Variants in C11orf87 observed in about 807,000 individuals in gnomAD.
C11orf87 encodes the protein uncharacterized protein C11orf87.
In C11orf87, 3 loss-of-function variants were observed where a neutral mutation model predicts 9.2. The observed-to-expected ratio is 0.33, with a 90% CI of 0.15 to 0.84. The LOEUF is 0.84. C11orf87 is among the 40% of genes least tolerant of loss of function. C11orf87 has a pLI of 0.55. For synonymous variants in C11orf87, 124 were observed against 124.6 expected, an observed-to-expected ratio of 1.00 and a Z score of 0.03; for missense variants, 256 against 270.7, an observed-to-expected ratio of 0.95 and a Z score of 0.38.
chr11:109,425,767 T>A lies in C11orf87; in HGVS notation c.*1540T>A, dbSNP rs1228393481. 6.6e-6 allele frequency: 1 copy of A among 152,474 alleles called. No homozygotes were observed. Among genetic ancestry groups the A allele is most frequent in the East Asian group, 1.9e-4 (1 of 5,202 alleles). 9.4% of individuals were successfully genotyped at this position (152,474 alleles called of 1,614,324 possible). On this transcript the variant is annotated 3_prime_UTR_variant, in exon 2 of 2. Transcript: ENST00000327419. ...GGAGGCAGTGGTGTGTGTGCTTGCTTGTACTGTATGTGGTTGGGGATGAGA... is the reference window on the plus strand; with the variant it reads ...GGAGGCAGTGGTGTGTGTGCTTGCTAGTACTGTATGTGGTTGGGGATGAGA...
In C11orf87 at chr11:109,425,522, C is replaced by T. The variant is rs1860560916; in HGVS notation, c.*1295C>T. 1 of 166,982 alleles carries T rather than the reference C, an allele frequency of 6.0e-6. No individual in the cohort carries two copies. Among genetic ancestry groups the T allele is most frequent in the South Asian group, 2.1e-4 (1 of 4,822 alleles). 10.3% of individuals were successfully genotyped at this position (166,982 alleles called of 1,614,324 possible). On this transcript the variant is annotated 3_prime_UTR_variant, in exon 2 of 2. Coordinates refer to ENST00000327419, the MANE Select transcript of C11orf87 (RefSeq NM_207645.4). ...TGGATGAGAAATTCAGTGGTGCAGA[C>T]CTGGCTTCTGCTGTTTCCAGAAGTG...
In C11orf87 at chr11:109,427,460, TG is replaced by T. The variant is rs1395528498; in HGVS notation, c.*3234del. 1.3e-5 allele frequency: 2 copies of T among 152,172 alleles called. No individual in the cohort carries two copies. The highest frequency in any genetic ancestry group is 2.9e-5 in the Non-Finnish European group (2 of 68,012). 9.4% of individuals were successfully genotyped at this position (152,172 alleles called of 1,614,324 possible). On this transcript the variant is annotated 3_prime_UTR_variant, in exon 2 of 2. Coordinates refer to ENST00000327419, the MANE Select transcript of C11orf87 (RefSeq NM_207645.4). Reference sequence around the variant, plus strand: ...ATATCCAAGCAATTTGTACAGACCTTGTTTAAAGCACTGCTTCTTATAGGGC... The same window carrying T: ...ATATCCAAGCAATTTGTACAGACCTTTTTAAAGCACTGCTTCTTATAGGGC...
chr11:109,423,753 A>G lies in C11orf87; in HGVS notation c.120A>G (p.Ala40=). The G allele has an allele frequency of 6.2e-7, 1 of 1,613,932 alleles. No homozygotes were observed. Among genetic ancestry groups the G allele is most frequent in the East Asian group, 2.2e-5 (1 of 44,864 alleles). ...SGNTGARGPG[A]VGSGTCITQV... ...ACACGGGTGCCCGCGGCCCAGGCGCAGTAGGCAGCGGCACCTGCATCACGC... is the reference window on the plus strand; with the variant it reads ...ACACGGGTGCCCGCGGCCCAGGCGCGGTAGGCAGCGGCACCTGCATCACGC... The change falls in exon 2 of 2, where the codon GCA becomes GCG. Residue 40 remains alanine (A), a synonymous_variant. Transcript: ENST00000327419. The surrounding 1 kb of genome is among the most constrained non-coding windows in gnomAD (Gnocchi z 5.3).
At position 109,423,173 on chromosome 11, in the gene C11orf87, TGTCGA is replaced by T. The variant is rs1860517348; in HGVS notation, c.-259-199_-259-195del. On this transcript the variant is annotated intron_variant, in intron 1 of 1. Transcript: ENST00000327419. The surrounding 1 kb of genome is among the most constrained non-coding windows in gnomAD (Gnocchi z 5.3). ...CGCGGTGCCGGCGCAGACCCCATCC[TGTCGA>T]GTGGCATGAGCAGGCTGCTGGTGGC... is the stretch of plus-strand genomic sequence containing the variant. Among the ~76,000 whole-genome samples the T allele has an allele frequency of 6.6e-6, 1 of 152,186 alleles. No homozygotes were observed. The highest frequency in any genetic ancestry group is 6.5e-5 in the Admixed American group (1 of 15,280).
rs541872843 is a variant in C11orf87 at position 109,424,277 on chromosome 11, C to T, written c.*50C>T. ...TCCTCGTTTCCAGCATCTTTGCCAC[C>T]CTTGCTTTTTTCCTTCTTCCTTCCT... On this transcript the variant is annotated 3_prime_UTR_variant, in exon 2 of 2. Coordinates refer to ENST00000327419, the MANE Select transcript of C11orf87 (RefSeq NM_207645.4). The surrounding 1 kb of genome is among the most constrained non-coding windows in gnomAD (Gnocchi z 4.7). The T allele has an allele frequency of 6.8e-6, 10 of 1,476,490 alleles. No individual in the cohort carries two copies. The Admixed American group carries it at 1.2e-4, about 18-fold the overall frequency. 91.5% of individuals were successfully genotyped at this position (1,476,490 alleles called of 1,614,324 possible).
Position 109,422,841 on chromosome 11 carries a change from T to A in C11orf87, c.-259-534T>A, listed in dbSNP as rs1432366974. Among the ~76,000 whole-genome samples the A allele has an allele frequency of 2.9e-5, 4 of 139,710 alleles. No homozygotes were observed. In the East Asian group the frequency reaches 8.8e-4, roughly 31 times the overall value. The allele number at this position is 139,710 out of a possible 152,430, so 91.7% of individuals were successfully genotyped here. Reference sequence around the variant, plus strand: ...GGTCGCGGACAGAGGCAGAGTGGGATGTGGTGCCAGGGGTATCCCCCTGGG... The same window carrying A: ...GGTCGCGGACAGAGGCAGAGTGGGAAGTGGTGCCAGGGGTATCCCCCTGGG... On this transcript the variant is annotated intron_variant, in intron 1 of 1. Transcript: ENST00000327419.
At position 109,423,927 on chromosome 11, in the gene C11orf87, G is replaced by A; in HGVS notation, c.294G>A (p.Gln98=). The part of the protein sequence containing the change: ...RMKKRKMQRA[Q]EEYERDHCSG... Reference sequence around the variant, plus strand: ...AGAAGCGGAAGATGCAGAGGGCTCAGGAGGAATATGAGCGGGATCACTGCA... The same window carrying A: ...AGAAGCGGAAGATGCAGAGGGCTCAAGAGGAATATGAGCGGGATCACTGCA... The change falls in exon 2 of 2, where the codon CAG becomes CAA. Residue 98 remains glutamine, a synonymous_variant. Transcript: ENST00000327419. This position sits in a 1 kb window ranked among gnomAD's most constrained non-coding sequence, Gnocchi z 5.3. The A allele has an allele frequency of 4.3e-6, 7 of 1,614,140 alleles. No homozygotes were observed. Among genetic ancestry groups the A allele is most frequent in the Non-Finnish European group, 5.9e-6 (7 of 1,179,964 alleles).
At chr11:109,422,455 C>A (rs1014533372) in intron 1 of C11orf87, among the ~76,000 whole-genome samples, 192 bp downstream of exon 1, 2 of 152,240 alleles carry the variant, frequency 1.3e-5, no homozygotes, top group Non-Finnish European at 2.9e-5. Context: ...CAGTTTGCAG[C>A]TGCCTCTTGG....
Position 109,423,605 on chromosome 11 carries a change from T to A in C11orf87, c.-29T>A, listed in dbSNP as rs751276575. 5.8e-6 allele frequency: 9 copies of A among 1,560,168 alleles called. No homozygotes were observed. In the Admixed American group the frequency reaches 1.7e-4, roughly 30 times the overall value. On this transcript the variant is annotated 5_prime_UTR_variant, in exon 2 of 2. Coordinates refer to ENST00000327419, the MANE Select transcript of C11orf87 (RefSeq NM_207645.4). This position sits in a 1 kb window ranked among gnomAD's most constrained non-coding sequence, Gnocchi z 5.3. ...GGTGTGCCCAAGAGGGGAAGCCTAG[T>A]GGGCCTGGCCCCTCCCAGCCCCGCG...
chr11:109,423,239 C>T lies in C11orf87; in HGVS notation c.-259-136C>T, dbSNP rs1352933291. ...GGCCACGGGCCGGCAGGCTGGGGTCCGCTGACCGAAAATACAGGCAGCGCC... is the reference window on the plus strand; with the variant it reads ...GGCCACGGGCCGGCAGGCTGGGGTCTGCTGACCGAAAATACAGGCAGCGCC... On this transcript the variant is annotated intron_variant, in intron 1 of 1. Coordinates refer to ENST00000327419, the MANE Select transcript of C11orf87 (RefSeq NM_207645.4). This position sits in a 1 kb window ranked among gnomAD's most constrained non-coding sequence, Gnocchi z 5.3. The T allele has an allele frequency of 3.9e-6, 1 of 253,250 alleles. No individual in the cohort carries two copies. Among genetic ancestry groups the T allele is most frequent in the African/African-American group, 2.3e-5 (1 of 43,274 alleles). The allele number at this position is 253,250 out of a possible 1,614,324, so 15.7% of individuals were successfully genotyped here.
At position 109,425,124 on chromosome 11, in the gene C11orf87, A is replaced by G. The variant is rs1264025856; in HGVS notation, c.*897A>G. 3 of 164,496 alleles carry G rather than the reference A, an allele frequency of 1.8e-5. No individual in the cohort carries two copies. Among genetic ancestry groups the G allele is most frequent in the Non-Finnish European group, 2.9e-5 (2 of 67,870 alleles). 10.2% of individuals were successfully genotyped at this position (164,496 alleles called of 1,614,324 possible). A position where few individuals can be genotyped will look rare whatever the true frequency, so the allele number is the denominator to read the frequency against. On this transcript the variant is annotated 3_prime_UTR_variant, in exon 2 of 2. Transcript: ENST00000327419. ...CCAGGTCTGGTGCTGAAGTCGCCTC[A>G]CCGTTCTGATTACTTCCTCTAGTTG...
Position 109,423,894 on chromosome 11 carries a change from T to C in C11orf87, c.261T>C (p.Arg87=). The C allele has an allele frequency of 6.2e-7, 1 of 1,613,954 alleles. No homozygotes were observed. Among genetic ancestry groups the C allele is most frequent in the African/African-American group, 1.3e-5 (1 of 74,996 alleles). Reference sequence around the variant, plus strand: ...TCTCCACTTTCCACATCCACAAGCGTAGGATGAAGAAGCGGAAGATGCAGA... The same window carrying C: ...TCTCCACTTTCCACATCCACAAGCGCAGGATGAAGAAGCGGAAGATGCAGA... ...LSLSTFHIHK[R]RMKKRKMQRA... Residue 87 remains arginine, a synonymous_variant, in exon 2 of 2, where the codon CGT becomes CGC. Coordinates refer to ENST00000327419, the MANE Select transcript of C11orf87 (RefSeq NM_207645.4). This position sits in a 1 kb window ranked among gnomAD's most constrained non-coding sequence, Gnocchi z 5.3.
intron 1 of C11orf87, among the ~76,000 whole-genome samples, chr11:109,422,526 C>T (rs1359827191): frequency 3.3e-5 from 5 of 152,258 alleles, no homozygotes; most frequent in African/African-American, 1.2e-4. Flanking sequence ...GCCGGAAAAG[C>T]CTCGGGGCCT....
Position 109,424,105 on chromosome 11 carries a change from T to C in C11orf87, c.472T>C (p.Cys158Arg). The C allele has an allele frequency of 6.2e-7, 1 of 1,613,860 alleles. No homozygotes were observed. Among genetic ancestry groups the C allele is most frequent in the Non-Finnish European group, 8.5e-7 (1 of 1,179,978 alleles). ...GTCCTCTTCGTCCCCTGGCCTCCCG[T>C]GCCAGGGTCCCTGTGCTCCTCCGCC... ...SLSSSSPGLP[C>R]QGPCAPPPPP... Residue 158 changes from cysteine (C) to arginine (R), a missense_variant, in exon 2 of 2, where the codon TGC (cysteine) becomes CGC (arginine). Cys to Arg is a radical substitution (Grantham distance 180, BLOSUM62 -3). Coordinates refer to ENST00000327419, the MANE Select transcript of C11orf87 (RefSeq NM_207645.4). This position sits in a 1 kb window ranked among gnomAD's most constrained non-coding sequence, Gnocchi z 4.7.
In C11orf87 at chr11:109,424,044, C is replaced by G. The variant is rs568040770; in HGVS notation, c.411C>G (p.Asp137Glu). 1.2e-6 allele frequency: 2 copies of G among 1,614,004 alleles called. No homozygotes were observed. The highest frequency in any genetic ancestry group is 1.7e-6 in the Non-Finnish European group (2 of 1,180,020). ...KETRLERQPR[D>E]SPFCAPSNAS... ...CCCGGCTGGAGAGGCAGCCCCGGGA[C>G]TCTCCCTTCTGCGCCCCTTCCAACG... The change falls in exon 2 of 2, where the codon GAC becomes GAG. Residue 137 changes from aspartate to glutamate, a missense_variant. Transcript: ENST00000327419. The surrounding 1 kb of genome is among the most constrained non-coding windows in gnomAD (Gnocchi z 4.7).
chr11:109,424,067 A>C lies in C11orf87; in HGVS notation c.434A>C (p.Asn145Thr). 1 of 1,613,648 alleles carries C rather than the reference A, an allele frequency of 6.2e-7. No homozygotes were observed. Among genetic ancestry groups the C allele is most frequent in the African/African-American group, 1.3e-5 (1 of 74,944 alleles). ...GACTCTCCCTTCTGCGCCCCTTCCAACGCCTCGTCGTTGTCCTCTTCGTCC... is the reference window on the plus strand; with the variant it reads ...GACTCTCCCTTCTGCGCCCCTTCCACCGCCTCGTCGTTGTCCTCTTCGTCC... ...PRDSPFCAPS[N>T]ASSLSSSSPG... The change falls in exon 2 of 2, where the codon AAC becomes ACC. Residue 145 changes from asparagine to threonine, a missense_variant. Coordinates refer to ENST00000327419, the MANE Select transcript of C11orf87 (RefSeq NM_207645.4). This position sits in a 1 kb window ranked among gnomAD's most constrained non-coding sequence, Gnocchi z 4.7.
rs1177816936 is a variant in C11orf87 at position 109,423,966 on chromosome 11, T to C, written c.333T>C (p.Gly111=). Residue 111 remains glycine (G), a synonymous_variant, in exon 2 of 2, where the codon GGT becomes GGC. Coordinates refer to ENST00000327419, the MANE Select transcript of C11orf87 (RefSeq NM_207645.4). The surrounding 1 kb of genome is among the most constrained non-coding windows in gnomAD (Gnocchi z 5.3). Reference sequence around the variant, plus strand: ...GGGATCACTGCAGCGGCAGCCGCGGTGGCGGGGGGCTGCCCCGACCTGGCA... The same window carrying C: ...GGGATCACTGCAGCGGCAGCCGCGGCGGCGGGGGGCTGCCCCGACCTGGCA... ...YERDHCSGSR[G]GGGLPRPGRQ... The C allele has an allele frequency of 6.2e-7, 1 of 1,613,742 alleles. No homozygotes were observed. The highest frequency in any genetic ancestry group is 8.5e-7 in the Non-Finnish European group (1 of 1,179,828).
Position 109,423,595 on chromosome 11 carries a change from G to T in C11orf87, c.-39G>T, listed in dbSNP as rs1175845662. 1 of 1,540,554 alleles carries T rather than the reference G, an allele frequency of 6.5e-7. No individual in the cohort carries two copies. The highest frequency in any genetic ancestry group is 8.7e-7 in the Non-Finnish European group (1 of 1,151,768). ...TGGTAGGAACGGTGTGCCCAAGAGG[G>T]GAAGCCTAGTGGGCCTGGCCCCTCC... On this transcript the variant is annotated 5_prime_UTR_variant, in exon 2 of 2. Transcript: ENST00000327419. This position sits in a 1 kb window ranked among gnomAD's most constrained non-coding sequence, Gnocchi z 5.3.
Position 109,423,769 on chromosome 11 carries a change from T to G in C11orf87, c.136T>G (p.Cys46Gly), listed in dbSNP as rs1485699060. The G allele has an allele frequency of 1.9e-6, 3 of 1,614,074 alleles. No individual in the cohort carries two copies. Among genetic ancestry groups the G allele is most frequent in the East Asian group, 2.2e-5 (1 of 44,864 alleles). Residue 46 changes from cysteine (C) to glycine (G), a missense_variant, in exon 2 of 2, where the codon TGC (cysteine) becomes GGC (glycine). Physicochemically the swap from Cys to Gly is radical, Grantham distance 159. Transcript: ENST00000327419. The surrounding 1 kb of genome is among the most constrained non-coding windows in gnomAD (Gnocchi z 5.3). ...RGPGAVGSGTCITQVGQQLFQ... is the reference protein window; with the variant it reads ...RGPGAVGSGTGITQVGQQLFQ... The stretch of plus-strand genomic sequence containing the variant: ...CCCAGGCGCAGTAGGCAGCGGCACC[T>G]GCATCACGCAGGTGGGACAGCAGCT...
Sources: gnomAD v4.1 joint callset for allele counts (sites outside exome capture counted in the v4.1 genomes callset) on GRCh38, gnomAD v4.1.1 for gene constraint, Gnocchi (gnomAD v3.1) non-coding constraint, MANE v1.5 for transcripts, NCBI Gene and HGNC (gene_info 2026-07-23, HGNC 2026-07-21) for gene names.